MYO15B: variants seen among roughly 807,000 people sequenced by gnomAD.
MYO15B encodes myosin XVB, also known as myosin XVB pseudogene.
In MYO15B, 207 loss-of-function variants were observed where a neutral mutation model predicts 119.3. The observed-to-expected ratio is 1.73, with a 90% confidence interval of 1.55 to 1.95. The LOEUF (loss-of-function observed/expected upper bound fraction) is 1.95. Among genes scored for constraint, MYO15B ranks in the 30% most tolerant of loss-of-function variants. MYO15B has a pLI of 0.00. For missense variants in MYO15B, 2,264 were observed against 1,203.1 expected (o/e 1.88, Z -13.04); for synonymous variants, 966 against 498.9 (o/e 1.94, Z -12.48).
At chr17:75,615,163 C>CT (rs2058289862) in intron 33 of MYO15B, 77 bp from the exon 34 acceptor site, 1 of 681,326 alleles carries the variant, frequency 1.5e-6, no homozygotes, top group African/African-American at 1.8e-5. Flanking sequence ...GCCCGATGCT[C>CT]TTCTCTGTGC....
chr17:75,595,138 G>T, intron 12 of MYO15B, 166 bp downstream of exon 12: 1 of 612,202 alleles, frequency 1.6e-6, no homozygotes, highest in East Asian at 2.7e-5. Flanking sequence ...GAGCCTGCTG[G>T]GGTGGGGTGC....
chr17:75,614,025 G>C (rs1311138148), intron 29 of MYO15B, 174 bp from the exon 30 acceptor site: 8 of 600,652 alleles, frequency 1.3e-5, no homozygotes, highest in Non-Finnish European at 2.4e-5. Flanking sequence ...GGAAGTGGAG[G>C]GCCGTGAGGT....
At chr17:75,588,298 G>A (rs2056190260) in exon 1 of MYO15B, 1 of 398,220 alleles carries the variant, frequency 2.5e-6, no homozygotes, top group South Asian at 1.3e-4. Context: ...CAGACGCCCA[G>A]GGGCTGGGCT....
In MYO15B at chr17:75,597,409, G is replaced by A. The variant is rs115548236; in HGVS notation, c.3525+510G>A. Among the ~76,000 whole-genome samples the A allele has an allele frequency of 2.8e-3, 421 of 152,330 alleles. 3 individuals are homozygous for A. The highest frequency in any genetic ancestry group is 9.8e-3 in the African/African-American group (406 of 41,566). On this transcript the variant is annotated intron_variant, in intron 14 of 63. Coordinates refer to ENST00000645453, the Ensembl canonical transcript of MYO15B. ...GCGCGCGTCCACATGCAGTCACAGC[G>A]TCTATTCATTCACTGACTCCTTACC...
In MYO15B at chr17:75,613,100, C is replaced by T. The variant is rs1379788651; in HGVS notation, c.4858C>T (p.Gln1620Ter). The change falls in exon 27 of 64, where the codon CAG becomes TAG. Residue 1620 changes from glutamine (Q) to a stop codon, truncating the protein, a stop_gained. Coordinates refer to ENST00000645453, the Ensembl canonical transcript of MYO15B. LOFTEE classifies it high-confidence loss of function. ...TGAGCTCTTTAGCCAGCTGGTGGCC[C>T]AGCTATGGCAGAACCCAGATGAACA... is the stretch of plus-strand genomic sequence containing the variant. 2.8e-6 allele frequency: 2 copies of T among 702,732 alleles called. No homozygotes were observed. Among genetic ancestry groups the T allele is most frequent in the African/African-American group, 1.7e-5 (1 of 57,394 alleles). The allele number at this position is 702,732 out of a possible 1,614,324, so 43.5% of individuals were successfully genotyped here.
intron 41 of MYO15B, 86 bp downstream of exon 41, chr17:75,617,390 G>A (rs986438091): frequency 1.2e-5 from 7 of 568,714 alleles, no homozygotes; most frequent in Admixed American, 3.4e-5. Context: ...AGGGCTGAAG[G>A]CATTTCTGCG....
exon 48 of MYO15B, chr17:75,620,316 G>A (rs1480157571): frequency 1.4e-6 from 1 of 702,990 alleles, no homozygotes; most frequent in South Asian, 1.5e-5. Context: ...TTCCACCGTG[G>A]GGACCTCATC....
chr17:75,622,792 T>C (rs529393418), intron 53 of MYO15B, among the ~76,000 whole-genome samples: 4 of 152,314 alleles, frequency 2.6e-5, no homozygotes, highest in South Asian at 2.1e-4. Context: ...GGACAACTAC[T>C]GTCTTCAAGG....
At chr17:75,621,570 G>A (rs1457171013) in exon 52 of MYO15B, 6 of 700,754 alleles carry the variant, frequency 8.6e-6, no homozygotes, top group African/African-American at 1.7e-5. Context: ...CAGCTTCCTG[G>A]GTGAGTGGCC....
Position 75,617,809 on chromosome 17 carries a change from G to T in MYO15B, c.6815-1G>T. The T allele has an allele frequency of 2.9e-6, 2 of 701,666 alleles. No individual in the cohort carries two copies. The highest frequency in any genetic ancestry group is 5.2e-6 in the Non-Finnish European group (2 of 384,098). 43.5% of individuals were successfully genotyped at this position (701,666 alleles called of 1,614,324 possible). A position where few individuals can be genotyped will look rare whatever the true frequency, so the allele number is the denominator to read the frequency against. ...GCTCCTCACCCCCTCCTCTCTGCCA[G>T]GCTTGACACAGCCCGTGGAGGACCA... On this transcript the variant is annotated splice_acceptor_variant, in intron 41 of 63. Coordinates refer to ENST00000645453, the Ensembl canonical transcript of MYO15B. LOFTEE classifies it high-confidence loss of function.
exon 10 of MYO15B, chr17:75,594,541 C>T (rs749254421): frequency 4.1e-5 from 26 of 638,222 alleles, no homozygotes; most frequent in African/African-American, 1.3e-4. Context: ...CCGACTGCTG[C>T]GGGTACCACC....
At chr17:75,621,893 TGAGA>T (rs1373233906) in intron 52 of MYO15B, 107 bp from the exon 53 acceptor site, 9 of 644,316 alleles carry the variant, frequency 1.4e-5, no homozygotes, top group Non-Finnish European at 2.0e-5. Flanking sequence ...CTATGCATTT[TGAGA>T]GTGAGGCATC....
chr17:75,607,650 G>A (rs1390684816), intron 21 of MYO15B, among the ~76,000 whole-genome samples: 14 of 151,834 alleles, frequency 9.2e-5, no homozygotes, highest in Admixed American at 7.9e-4. Flanking sequence ...GTAGAGACGG[G>A]GTTTCACCAT....
exon 43 of MYO15B, chr17:75,618,156 C>A: frequency 1.4e-6 from 1 of 703,274 alleles, no homozygotes; most frequent in Non-Finnish European, 2.6e-6. Flanking sequence ...CTTCAGCCAT[C>A]CCTACTACCT....
At chr17:75,621,084 C>G (rs927651314) in exon 50 of MYO15B, 2 of 702,904 alleles carry the variant, frequency 2.8e-6, no homozygotes, top group Non-Finnish European at 2.6e-6. Flanking sequence ...AGGCCACCAG[C>G]CTGTCCTCTG....
At chr17:75,605,649 G>C (rs1266140895) in intron 20 of MYO15B, 28 bp downstream of exon 20, 1 of 702,000 alleles carries the variant, frequency 1.4e-6, no homozygotes, top group South Asian at 1.5e-5. Flanking sequence ...TGTGTGCAGA[G>C]GGCAGCATGA....
chr17:75,620,322 T>C (rs1266367781), exon 48 of MYO15B: 4 of 702,950 alleles, frequency 5.7e-6, no homozygotes, highest in Middle Eastern at 2.3e-4. Context: ...CGTGGGGACC[T>C]CATCAAGCTG....
At chr17:75,599,488 C>A (rs2057101595) in intron 14 of MYO15B, among the ~76,000 whole-genome samples, 1 of 151,770 alleles carries the variant, frequency 6.6e-6, no homozygotes, top group East Asian at 2.0e-4. Flanking sequence ...GGGGTTTCAC[C>A]ATGTTAGCCA....
chr17:75,626,353 A>C, intron 63 of MYO15B, 54 bp from the exon 64 acceptor site: 2 of 702,484 alleles, frequency 2.8e-6, no homozygotes, highest in South Asian at 3.0e-5. Context: ...GGGCCGGGGC[A>C]GAGGCGAGGG....
Sources: gnomAD v4.1 joint callset for allele counts (sites outside exome capture counted in the v4.1 genomes callset) on GRCh38, gnomAD v4.1.1 for gene constraint, MANE v1.5 for transcripts, NCBI Gene and HGNC (gene_info 2026-07-23, HGNC 2026-07-21) for gene names.